The following RAPH1 variants were observed in gnomAD, a reference collection of about 807,000 sequenced individuals.
The protein encoded by RAPH1 is ras-associated and pleckstrin homology domains-containing protein 1.
RAPH1 carries 18 observed loss-of-function variants against 88.1 expected under a neutral mutation model. The ratio of observed to expected loss-of-function variants is 0.20; its 90% CI spans 0.14 to 0.30. The LOEUF is 0.30. Ranked by LOEUF, RAPH1 falls within the 10% of genes least tolerant of loss-of-function variation. RAPH1 has a pLI of 1.00. For synonymous variants in RAPH1, 587 were observed against 559.0 expected (o/e 1.05, Z -0.71); for missense variants, 1,448 against 1,543.2 (o/e 0.94, Z 1.03).
At chr2:203,444,307 C>G (rs1485095258) in intron 13 of RAPH1, 1 of 152,156 alleles carries the variant, frequency 6.6e-6, no homozygotes, top group Non-Finnish European at 1.5e-5. Context: ...TAGCATGTGC[C>G]TATAATCCCA....
At chr2:203,483,454 T>C (rs181640555) in intron 4 of RAPH1, among the ~76,000 whole-genome samples, 2 of 152,326 alleles carry the variant, frequency 1.3e-5, no homozygotes, top group East Asian at 3.9e-4. Context: ...CTTGATGAAC[T>C]AGACGGATGG....
chr2:203,521,692 T>C (rs911056037), intron 1 of RAPH1, among the ~76,000 whole-genome samples: 18 of 152,134 alleles, frequency 1.2e-4, no homozygotes, highest in Admixed American at 1.0e-3. Context: ...ATGCTTATTG[T>C]ACAGTAACTT....
intron 4 of RAPH1, among the ~76,000 whole-genome samples, chr2:203,481,599 A>AT (rs1191553591): frequency 7.7e-4 from 105 of 137,084 alleles, no homozygotes; most frequent in East Asian, 7.0e-3. Flanking sequence ...ATATATACAC[A>AT]TTTTTTTTTT....
intron 2 of RAPH1, among the ~76,000 whole-genome samples, chr2:203,492,356 T>C (rs977496143): frequency 2.6e-5 from 4 of 152,092 alleles, no homozygotes; most frequent in African/African-American, 9.7e-5. Flanking sequence ...TAACGGACAG[T>C]TCTGGATTTA....
At chr2:203,528,581 G>C (rs1265764522) in intron 1 of RAPH1, among the ~76,000 whole-genome samples, 2 of 152,090 alleles carry the variant, frequency 1.3e-5, no homozygotes, top group African/African-American at 4.8e-5. Context: ...GCTAAGAGAA[G>C]CATTAAAAAC....
chr2:203,440,276 G>C lies in RAPH1; in HGVS notation c.2914C>G (p.Pro972Ala). ...KTSSPGGKKP[P>A]PTPQRNSSIK... ...CTGGAGTTGCGCTGTGGGGTTGGGG[G>C]TGGTTTCTTTCCCCCAGGGCTGGAC... Residue 972 changes from proline to alanine, a missense_variant, in exon 14 of 14, where the codon CCC becomes GCC. Pro to Ala is a conservative substitution (Grantham distance 27, BLOSUM62 -1). Around this residue, in one of 2 missense-constraint regions of RAPH1, gnomAD observed 935 missense variants for 890.1 expected, o/e 1.05. Transcript: ENST00000319170. The C allele has an allele frequency of 2.5e-6, 4 of 1,613,886 alleles. No homozygotes were observed. Among genetic ancestry groups the C allele is most frequent in the Non-Finnish European group, 3.4e-6 (4 of 1,179,992 alleles).
chr2:203,471,585 C>G (rs1177523130), intron 4 of RAPH1, among the ~76,000 whole-genome samples: 1 of 151,900 alleles, frequency 6.6e-6, no homozygotes, highest in Non-Finnish European at 1.5e-5. Context: ...GCACTCTAGC[C>G]TGGGCGACAA....
chr2:203,458,259 T>C (rs2443790), intron 7 of RAPH1, among the ~76,000 whole-genome samples: 96,594 of 152,004 alleles, frequency 0.64, 31,173 homozygotes, highest in Middle Eastern at 0.77. Flanking sequence ...GTCCCAGCTA[T>C]GCAGGAGGCT....
At chr2:203,494,625 A>G (rs1004795070) in intron 2 of RAPH1, among the ~76,000 whole-genome samples, 2 of 151,848 alleles carry the variant, frequency 1.3e-5, no homozygotes, top group African/African-American at 2.4e-5. Flanking sequence ...TGGCTAACAC[A>G]GTGAAACCCC....
chr2:203,527,746 G>C lies in RAPH1; in HGVS notation c.-1+7365C>G, dbSNP rs186714891. On this transcript the variant is annotated intron_variant, in intron 1 of 13. Coordinates refer to ENST00000319170, the MANE Select transcript of RAPH1 (RefSeq NM_213589.3). ...ACCCGGGAGGCGAAGGTTGTGGTGA[G>C]CCAAGATTGAGCCATTGCACTCCAG... 2.0e-3 allele frequency among the ~76,000 whole-genome samples: 289 copies of C among 143,308 alleles called. 5 individuals are homozygous for C. The highest frequency in any genetic ancestry group is 0.019 in the Admixed American group (261 of 13,492). The allele number at this position is 143,308 out of a possible 152,430, so 94.0% of individuals were successfully genotyped here.
intron 4 of RAPH1, among the ~76,000 whole-genome samples, chr2:203,480,855 A>C (rs1687689041): frequency 6.6e-6 from 1 of 152,232 alleles, no homozygotes; most frequent in African/African-American, 2.4e-5. Flanking sequence ...GCCTGGGTTC[A>C]AGCCCCAGCG....
rs1406706990 is a variant in RAPH1 at position 203,448,975 on chromosome 2, A to G, written c.1414-139T>C. On this transcript the variant is annotated intron_variant, in intron 10 of 13. Transcript: ENST00000319170. This position sits in a 1 kb window ranked among gnomAD's most constrained non-coding sequence, Gnocchi z 4.1. ...ATACATTTATGCTTCTTATATGGCC[A>G]TAAGGCCAAATAAAGTAGCCCATAA... 4.7e-6 allele frequency: 2 copies of G among 427,246 alleles called. No individual in the cohort carries two copies. The highest frequency in any genetic ancestry group is 2.0e-5 in the African/African-American group (1 of 48,998). 26.5% of individuals were successfully genotyped at this position (427,246 alleles called of 1,614,324 possible). A position where few individuals can be genotyped will look rare whatever the true frequency, so the allele number is the denominator to read the frequency against.
Position 203,514,240 on chromosome 2 carries a change from A to G in RAPH1, c.1-18887T>C, listed in dbSNP as rs554237246. Among the ~76,000 whole-genome samples the G allele has an allele frequency of 2.0e-5, 3 of 152,292 alleles. No individual in the cohort carries two copies. In the East Asian group the frequency reaches 5.8e-4, roughly 29 times the overall value. On this transcript the variant is annotated intron_variant, in intron 1 of 13. Transcript: ENST00000319170. ...AGCAGTTTAGGGAGCCAGCTTTCCC[A>G]CCTTCACAGTCCAAAGACAGCCACA...
At chr2:203,516,176 C>CT (rs1301056252) in intron 1 of RAPH1, among the ~76,000 whole-genome samples, 1 of 151,966 alleles carries the variant, frequency 6.6e-6, no homozygotes, top group Non-Finnish European at 1.5e-5. Context: ...AAGTGGTACA[C>CT]TATTATCTGA....
At chr2:203,452,075 G>A (rs906793785) in intron 10 of RAPH1, among the ~76,000 whole-genome samples, 1 of 152,146 alleles carries the variant, frequency 6.6e-6, no homozygotes, top group South Asian at 2.1e-4. Context: ...GCTGATATGC[G>A]GGAAGTAGAA....
At chr2:203,479,339 C>G (rs1359845331) in intron 4 of RAPH1, among the ~76,000 whole-genome samples, 1 of 152,164 alleles carries the variant, frequency 6.6e-6, no homozygotes, top group East Asian at 1.9e-4. Context: ...CACGGTGGCT[C>G]ACGCCTGTAA....
At chr2:203,476,473 G>A (rs763198671) in intron 4 of RAPH1, among the ~76,000 whole-genome samples, 3 of 152,056 alleles carry the variant, frequency 2.0e-5, no homozygotes, top group Middle Eastern at 3.4e-3. Flanking sequence ...ACCCGGCCAC[G>A]AGATTTTTTT....
chr2:203,452,198 C>T (rs368450821), intron 10 of RAPH1, among the ~76,000 whole-genome samples: 4 of 152,254 alleles, frequency 2.6e-5, no homozygotes, highest in East Asian at 1.9e-4. Flanking sequence ...CTTTCTTTTA[C>T]GTGGATTATG....
chr2:203,479,936 T>TA (rs1341624571), intron 4 of RAPH1, among the ~76,000 whole-genome samples: 9 of 152,216 alleles, frequency 5.9e-5, no homozygotes, highest in African/African-American at 2.2e-4. Context: ...TTCATAAATC[T>TA]AAAAGCTGTG....
Sources: gnomAD v4.1 joint callset for allele counts (sites outside exome capture counted in the v4.1 genomes callset) on GRCh38, gnomAD v4.1.1 for gene constraint, gnomAD v4.1.1 regional missense constraint, Gnocchi (gnomAD v3.1) non-coding constraint, MANE v1.5 for transcripts, NCBI Gene and HGNC (gene_info 2026-07-23, HGNC 2026-07-21) for gene names.